Variants in TTPA observed in about 807,000 individuals in gnomAD.
The protein encoded by TTPA is alpha-tocopherol transfer protein.
A neutral mutation model predicts 25.9 loss-of-function variants in TTPA; 23 were observed. The ratio of observed to expected loss-of-function variants is 0.89; its 90% confidence interval spans 0.64 to 1.26. The LOEUF (loss-of-function observed/expected upper bound fraction) is 1.26, where lower values mean the gene tolerates loss of function less well. Among genes scored for constraint, TTPA ranks in the 50% most tolerant of loss-of-function variants. TTPA has a pLI of 0.00. For synonymous variants in TTPA, 148 were observed against 137.3 expected (o/e 1.08, Z -0.54); for missense variants, 337 against 353.1 (o/e 0.95, Z 0.37).
Position 63,075,523 on chromosome 8 carries a change from T to C in TTPA, c.205-2435A>G, listed in dbSNP as rs139445394. On this transcript the variant is annotated intron_variant, in intron 1 of 4. Transcript: ENST00000260116. ...TCACGAGGTCAAGAGATCAAGACCA[T>C]CCTGGCCAATATGGTGAAACCCCAT... is the stretch of plus-strand genomic sequence containing the variant. Among the ~76,000 whole-genome samples the C allele has an allele frequency of 1.8e-3, 266 of 151,832 alleles. 3 individuals carry two copies. The East Asian group carries it at 0.044, about 25-fold the overall frequency.
chr8:63,070,780 A>G (rs1805470880), intron 2 of TTPA, among the ~76,000 whole-genome samples: 1 of 152,208 alleles, frequency 6.6e-6, no homozygotes, highest in South Asian at 2.1e-4. Context: ...AACTAGACAC[A>G]ATAAAATCTA....
At chr8:63,062,369 C>A (rs1805320729) in intron 4 of TTPA, among the ~76,000 whole-genome samples, 1 of 152,098 alleles carries the variant, frequency 6.6e-6, no homozygotes, top group Admixed American at 6.6e-5. Context: ...AAATAAATAA[C>A]CTTTTTTCAC....
chr8:63,085,340 T>C (rs1168242870), intron 1 of TTPA, among the ~76,000 whole-genome samples: 1 of 152,222 alleles, frequency 6.6e-6, no homozygotes, highest in Non-Finnish European at 1.5e-5. Flanking sequence ...AATAATACTA[T>C]GTTGCTACTA....
In TTPA at chr8:63,085,986, C is replaced by A. The variant is rs773911591; in HGVS notation, c.36G>T (p.Pro12=). The A allele has an allele frequency of 2.1e-4, 320 of 1,492,998 alleles. No individual in the cohort carries two copies. The highest frequency in any genetic ancestry group is 2.7e-4 in the Non-Finnish European group (308 of 1,129,376). 92.5% of individuals were successfully genotyped at this position (1,492,998 alleles called of 1,614,324 possible). A position where few individuals can be genotyped will look rare whatever the true frequency, so the allele number is the denominator to read the frequency against. Residue 12 remains proline (P), a synonymous_variant, in exon 1 of 5, where the codon CCG becomes CCT. Coordinates refer to ENST00000260116, the MANE Select transcript of TTPA (RefSeq NM_000370.3). The part of the protein sequence containing the change: ...AEARSQPSAG[P]QLNALPDHSP... Reference sequence around the variant, plus strand: ...AGTGGTCCGGTAGCGCGTTGAGCTGCGGCCCCGCCGAGGGCTGGGATCGCG... The same window carrying A: ...AGTGGTCCGGTAGCGCGTTGAGCTGAGGCCCCGCCGAGGGCTGGGATCGCG...
At chr8:63,082,568 G>A (rs2129787428) in intron 1 of TTPA, among the ~76,000 whole-genome samples, 1 of 152,258 alleles carries the variant, frequency 6.6e-6, no homozygotes, top group South Asian at 2.1e-4. Flanking sequence ...ATACCATTCA[G>A]GCCATAGGTG....
chr8:63,085,314 C>T (rs546853601), intron 1 of TTPA, among the ~76,000 whole-genome samples: 1 of 152,344 alleles, frequency 6.6e-6, no homozygotes, highest in African/African-American at 2.4e-5. Context: ...TGTCTTGACA[C>T]TTAAGTGTTA....
intron 1 of TTPA, among the ~76,000 whole-genome samples, chr8:63,080,823 G>A (rs554481235): frequency 1.6e-4 from 24 of 151,072 alleles, no homozygotes; most frequent in Admixed American, 1.1e-3. Flanking sequence ...TATCACCACC[G>A]ATCCCACAAA....
At chr8:63,068,389 G>C (rs2129752034) in intron 2 of TTPA, among the ~76,000 whole-genome samples, 1 of 152,346 alleles carries the variant, frequency 6.6e-6, no homozygotes, top group South Asian at 2.1e-4. Flanking sequence ...GAGAAGCCAA[G>C]GGAAGAGGAT....
At chr8:63,063,775 C>T (rs753839938) in intron 4 of TTPA, among the ~76,000 whole-genome samples, 2 of 152,076 alleles carry the variant, frequency 1.3e-5, no homozygotes, top group East Asian at 3.8e-4. Context: ...CCTGCAATCT[C>T]GTTGTTTTCT....
Position 63,072,927 on chromosome 8 carries a change from T to G in TTPA, c.358+8A>C. On this transcript the variant is annotated splice_region_variant and intron_variant, in intron 2 of 4. Coordinates refer to ENST00000260116, the MANE Select transcript of TTPA (RefSeq NM_000370.3). ...AGGAGAAAAAAAAAAGAGTTGTGTA[T>G]GACTTACCGATTCTGTAAATAAGAA... The G allele has an allele frequency of 6.2e-7, 1 of 1,613,970 alleles. No homozygotes were observed. The highest frequency in any genetic ancestry group is 8.5e-7 in the Non-Finnish European group (1 of 1,180,002).
intron 1 of TTPA, among the ~76,000 whole-genome samples, chr8:63,074,026 C>T (rs1805523742): frequency 6.6e-6 from 1 of 152,022 alleles, no homozygotes; most frequent in African/African-American, 2.4e-5. Context: ...ATTTTATTCT[C>T]ATGATTTTTG....
chr8:63,074,220 G>T (rs1805527058), intron 1 of TTPA, among the ~76,000 whole-genome samples: 1 of 152,132 alleles, frequency 6.6e-6, no homozygotes, highest in Non-Finnish European at 1.5e-5. Context: ...ACAAAAACTA[G>T]AGAGGGAAAT....
intron 1 of TTPA, among the ~76,000 whole-genome samples, chr8:63,080,084 G>C (rs1168863998): frequency 3.3e-5 from 5 of 152,250 alleles, no homozygotes; most frequent in African/African-American, 1.2e-4. Flanking sequence ...GGTAAATAAT[G>C]AAATGAAGGC....
intron 1 of TTPA, among the ~76,000 whole-genome samples, chr8:63,075,797 GA>G: frequency 6.6e-6 from 1 of 151,966 alleles, no homozygotes; most frequent in East Asian, 1.9e-4. Context: ...AACTGAAATG[GA>G]CACATGATAT....
At chr8:63,080,731 AAAAAT>A (rs1406921544) in intron 1 of TTPA, among the ~76,000 whole-genome samples, 1 of 141,348 alleles carries the variant, frequency 7.1e-6, no homozygotes, top group African/African-American at 2.9e-5. Context: ...AAAAAAAAAA[AAAAAT>A]AAATAATAAT....
chr8:63,061,735 C>T (rs145856905), intron 4 of TTPA, among the ~76,000 whole-genome samples: 98 of 152,150 alleles, frequency 6.4e-4, no homozygotes, highest in African/African-American at 2.3e-3. Flanking sequence ...AATTCTATTC[C>T]CTTATGTGCA....
chr8:63,082,394 G>C (rs1485672787), intron 1 of TTPA, among the ~76,000 whole-genome samples: 1 of 152,136 alleles, frequency 6.6e-6, no homozygotes, highest in African/African-American at 2.4e-5. Flanking sequence ...AATGGGGAAA[G>C]GATTCCCTAT....
intron 4 of TTPA, among the ~76,000 whole-genome samples, chr8:63,063,433 A>G (rs1371777219): frequency 6.6e-6 from 1 of 152,158 alleles, no homozygotes; most frequent in African/African-American, 2.4e-5. Flanking sequence ...TACCTCAGTT[A>G]CCGTGGTTCT....
intron 2 of TTPA, among the ~76,000 whole-genome samples, chr8:63,071,177 T>A (rs557569746): frequency 6.6e-6 from 1 of 152,262 alleles, no homozygotes; most frequent in South Asian, 2.1e-4. Context: ...GATGTCTGTT[T>A]TATAGATGGG....
Sources: allele counts gnomAD v4.1 joint callset (sites outside exome capture counted in the v4.1 genomes callset), GRCh38; gene constraint gnomAD v4.1.1; transcripts MANE v1.5; gene names NCBI Gene and HGNC (gene_info 2026-07-23, HGNC 2026-07-21).